Variants in RFX2 observed in about 807,000 individuals in gnomAD.
RFX2 encodes the protein DNA-binding protein RFX2.
In RFX2, 20 loss-of-function variants were observed where a neutral mutation model predicts 87.8. The observed-to-expected ratio is 0.23, with a 90% CI of 0.16 to 0.33. The LOEUF is 0.33. Ranked by LOEUF, RFX2 falls within the 10% of genes least tolerant of loss-of-function variation. The probability of loss-of-function intolerance (pLI) is 1.00; values close to 1 mark genes in which losing one functional copy is unlikely to be tolerated. For synonymous variants in RFX2, 397 were observed against 431.3 expected (o/e 0.92, Z 0.98); for missense variants, 767 against 1,012.3 (o/e 0.76, Z 3.29).
In RFX2 at chr19:6,016,502, T is replaced by C. The variant is rs1243099616; in HGVS notation, c.598-231A>G. 6.6e-6 allele frequency among the ~76,000 whole-genome samples: 1 copy of C among 152,202 alleles called. No individual in the cohort carries two copies. The highest frequency in any genetic ancestry group is 1.5e-5 in the Non-Finnish European group (1 of 68,032). ...GTCTCCTGGGTTCAAGCAATTTTCCTCCCTCAGCCTCCCAGGTAGCTGGGA... is the reference window on the plus strand; with the variant it reads ...GTCTCCTGGGTTCAAGCAATTTTCCCCCCTCAGCCTCCCAGGTAGCTGGGA... On this transcript the variant is annotated intron_variant, in intron 6 of 17. Transcript: ENST00000303657. The surrounding 1 kb of genome is among the most constrained non-coding windows in gnomAD (Gnocchi z 5.4).
At chr19:6,060,082 C>T (rs1027142174) in intron 1 of RFX2, among the ~76,000 whole-genome samples, 1 of 151,908 alleles carries the variant, frequency 6.6e-6, no homozygotes. Context: ...ACTCTTTTGT[C>T]CCCCTTTTCT....
chr19:6,081,949 G>T (rs2087790995), intron 1 of RFX2, among the ~76,000 whole-genome samples: 1 of 152,168 alleles, frequency 6.6e-6, no homozygotes, highest in South Asian at 2.1e-4. Context: ...TTAGCTGGGT[G>T]TACTGGTGGG....
At chr19:6,070,552 C>T (rs1173234500) in intron 1 of RFX2, among the ~76,000 whole-genome samples, 1 of 152,064 alleles carries the variant, frequency 6.6e-6, no homozygotes, top group African/African-American at 2.4e-5. Context: ...GGTCCACAGA[C>T]CTCACATCAG....
intron 1 of RFX2, among the ~76,000 whole-genome samples, chr19:6,058,539 G>A (rs1389994754): frequency 6.6e-6 from 1 of 151,506 alleles, no homozygotes; most frequent in Admixed American, 6.6e-5. Context: ...GCACACCAAG[G>A]GCAACCATCG....
intron 1 of RFX2, among the ~76,000 whole-genome samples, chr19:6,104,343 G>A (rs190538580): frequency 2.1e-4 from 32 of 152,070 alleles, no homozygotes; most frequent in Admixed American, 1.4e-3. Flanking sequence ...GCTGAGGTGG[G>A]CGGATCATGA....
chr19:6,092,459 T>C (rs2087949457), intron 1 of RFX2, among the ~76,000 whole-genome samples: 1 of 151,864 alleles, frequency 6.6e-6, no homozygotes, highest in African/African-American at 2.4e-5. Context: ...TGCTGGAGAA[T>C]AAAGGTAGCA....
At position 6,074,847 on chromosome 19, in the gene RFX2, C is replaced by T. The variant is rs901216625; in HGVS notation, c.-8-27343G>A. Among the ~76,000 whole-genome samples, 7 of 152,282 alleles carry T rather than the reference C, an allele frequency of 4.6e-5. No individual in the cohort carries two copies. Among genetic ancestry groups the T allele is most frequent in the Middle Eastern group, 3.4e-3 (1 of 294 alleles). On this transcript the variant is annotated intron_variant, in intron 1 of 17. Transcript: ENST00000303657. This position sits in a 1 kb window ranked among gnomAD's most constrained non-coding sequence, Gnocchi z 5.2. ...GGGACATGTGGGGTCACACGGGTCA[C>T]GTGAGGAGGCCACCAGAGGGAGCTG... is the stretch of plus-strand genomic sequence containing the variant.
intron 7 of RFX2, among the ~76,000 whole-genome samples, chr19:6,014,184 C>T (rs1353876799): frequency 6.6e-6 from 1 of 152,100 alleles, no homozygotes; most frequent in African/African-American, 2.4e-5. Flanking sequence ...GAGCTGGCAA[C>T]AGGGACATGC....
In RFX2 at chr19:5,997,777, G is replaced by A. The variant is rs931961443; in HGVS notation, c.1860-564C>T. Among the ~76,000 whole-genome samples, 3 of 152,166 alleles carry A rather than the reference G, an allele frequency of 2.0e-5. No individual in the cohort carries two copies. Among genetic ancestry groups the A allele is most frequent in the South Asian group, 2.1e-4 (1 of 4,818 alleles). On this transcript the variant is annotated intron_variant, in intron 15 of 17. Coordinates refer to ENST00000303657, the MANE Select transcript of RFX2 (RefSeq NM_000635.4). The surrounding 1 kb of genome is among the most constrained non-coding windows in gnomAD (Gnocchi z 4.2). ...AGACTTCAGCCCAGATCCAGTCCGCGTCCAGCCCTCAGCCTGTGTGCTGAC... is the reference window on the plus strand; with the variant it reads ...AGACTTCAGCCCAGATCCAGTCCGCATCCAGCCCTCAGCCTGTGTGCTGAC...
At chr19:6,053,879 C>A (rs1164119896) in intron 1 of RFX2, among the ~76,000 whole-genome samples, 1 of 145,564 alleles carries the variant, frequency 6.9e-6, no homozygotes, top group East Asian at 2.0e-4. Flanking sequence ...TTGCTTGAAC[C>A]AAGGAGGCAG....
chr19:6,072,046 G>A (rs1252421608), intron 1 of RFX2: 7 of 152,168 alleles, frequency 4.6e-5, no homozygotes, highest in African/African-American at 1.4e-4. Flanking sequence ...GCTTTGTCTG[G>A]TTCTGTTTTT....
rs1376785390 is a variant in RFX2 at position 6,047,963 on chromosome 19, C to T, written c.-8-459G>A. 1.1e-4 allele frequency among the ~76,000 whole-genome samples: 16 copies of T among 152,248 alleles called. No homozygotes were observed. Among genetic ancestry groups the T allele is most frequent in the Admixed American group, 2.0e-4 (3 of 15,292 alleles). The stretch of plus-strand genomic sequence containing the variant: ...GGTTTCCCCACTGTGGCACCGTTGA[C>T]ATTTGAGCTGGATACTTCTTTGCTG... On this transcript the variant is annotated intron_variant, in intron 1 of 17. Coordinates refer to ENST00000303657, the MANE Select transcript of RFX2 (RefSeq NM_000635.4). The surrounding 1 kb of genome is among the most constrained non-coding windows in gnomAD (Gnocchi z 4.2).
Position 6,101,437 on chromosome 19 carries a change from A to G in RFX2, c.-9+8956T>C, listed in dbSNP as rs1208433240. Among the ~76,000 whole-genome samples, 1 of 152,100 alleles carries G rather than the reference A, an allele frequency of 6.6e-6. No homozygotes were observed. Among genetic ancestry groups the G allele is most frequent in the Non-Finnish European group, 1.5e-5 (1 of 68,004 alleles). On this transcript the variant is annotated intron_variant, in intron 1 of 17. Transcript: ENST00000303657. This position sits in a 1 kb window ranked among gnomAD's most constrained non-coding sequence, Gnocchi z 4.9. The stretch of plus-strand genomic sequence containing the variant: ...ACTGGCCTGGGTGGAGCCCGCATAC[A>G]TTTTTGTGGGCTGGTAATTTTTTTG...
intron 5 of RFX2, among the ~76,000 whole-genome samples, chr19:6,034,717 G>A (rs1009169741): frequency 6.6e-6 from 1 of 152,142 alleles, no homozygotes; most frequent in African/African-American, 2.4e-5. Flanking sequence ...AGAGATGTGT[G>A]TGACTCCTGA....
At chr19:6,108,597 A>T (rs1230142436) in intron 1 of RFX2, among the ~76,000 whole-genome samples, 1 of 152,172 alleles carries the variant, frequency 6.6e-6, no homozygotes, top group East Asian at 1.9e-4. Flanking sequence ...GCTGACTGAG[A>T]GGGAAAAGAA....
intron 7 of RFX2, among the ~76,000 whole-genome samples, chr19:6,015,795 C>T (rs1315047998): frequency 1.3e-5 from 2 of 152,146 alleles, no homozygotes; most frequent in Admixed American, 1.3e-4. Flanking sequence ...ACCACCACAC[C>T]TGGCCCAGAG....
intron 1 of RFX2, among the ~76,000 whole-genome samples, chr19:6,078,964 C>T (rs1433895846): frequency 1.3e-5 from 2 of 152,154 alleles, no homozygotes; most frequent in Non-Finnish European, 1.5e-5. Flanking sequence ...TTAGTAGAGA[C>T]GGGGTTTCAC....
intron 1 of RFX2, among the ~76,000 whole-genome samples, chr19:6,048,828 C>T (rs2087231787): frequency 6.6e-6 from 1 of 152,042 alleles, no homozygotes; most frequent in Non-Finnish European, 1.5e-5. Flanking sequence ...TGGATTAATC[C>T]CATCTGTATT....
Position 6,027,688 on chromosome 19 carries a change from C to T in RFX2, c.523-1451G>A, listed in dbSNP as rs934362533. Among the ~76,000 whole-genome samples, 1 of 152,166 alleles carries T rather than the reference C, an allele frequency of 6.6e-6. No individual in the cohort carries two copies. Among genetic ancestry groups the T allele is most frequent in the Non-Finnish European group, 1.5e-5 (1 of 68,040 alleles). ...TCTCTCCAACATAGTGGGTCTCAAT[C>T]ATTTGGTCTATTAAAAAATACACTA... On this transcript the variant is annotated intron_variant, in intron 5 of 17. Coordinates refer to ENST00000303657, the MANE Select transcript of RFX2 (RefSeq NM_000635.4). The surrounding 1 kb of genome is among the most constrained non-coding windows in gnomAD (Gnocchi z 5.0).
Sources: gnomAD v4.1 joint callset for allele counts (sites outside exome capture counted in the v4.1 genomes callset) on GRCh38, gnomAD v4.1.1 for gene constraint, Gnocchi (gnomAD v3.1) non-coding constraint, MANE v1.5 for transcripts, NCBI Gene and HGNC (gene_info 2026-07-23, HGNC 2026-07-21) for gene names.